The following KIF1B variants were observed in gnomAD, a reference collection of about 807,000 sequenced individuals.
KIF1B encodes kinesin family member 1B.
In KIF1B, 76 loss-of-function variants were observed where a neutral mutation model predicts 241.9. That is an observed-to-expected ratio of 0.31 (90% CI 0.26 to 0.38). KIF1B has a LOEUF of 0.38. KIF1B is among the 10% of genes least tolerant of loss of function. The pLI, the probability that KIF1B is intolerant of heterozygous loss-of-function variation, is 1.00. For missense variants in KIF1B, 1,622 were observed against 2,271.4 expected, an observed-to-expected ratio of 0.71 and a Z score of 5.81; for synonymous variants, 750 against 796.7, an observed-to-expected ratio of 0.94 and a Z score of 0.99.
chr1:10,377,241 A>G lies in KIF1B; in HGVS notation c.*654A>G. On this transcript the variant is annotated 3_prime_UTR_variant, in exon 49 of 49. Transcript: ENST00000676179. ...ACTGCAACAGTTATATTCTGAGTCAAAGTTGGGGCTTTTTACGGCATAATT... is the reference window on the plus strand; with the variant it reads ...ACTGCAACAGTTATATTCTGAGTCAGAGTTGGGGCTTTTTACGGCATAATT... The G allele has an allele frequency of 4.3e-6, 1 of 230,432 alleles. No homozygotes were observed. Among genetic ancestry groups the G allele is most frequent in the Non-Finnish European group, 8.6e-6 (1 of 116,128 alleles). 14.3% of individuals were successfully genotyped at this position (230,432 alleles called of 1,614,324 possible).
At position 10,374,614 on chromosome 1, in the gene KIF1B, C is replaced by A; in HGVS notation, c.5096+149C>A. The A allele has an allele frequency of 1.9e-6, 2 of 1,048,804 alleles. No individual in the cohort carries two copies. Among genetic ancestry groups the A allele is most frequent in the Middle Eastern group, 3.0e-4 (1 of 3,344 alleles). The allele number at this position is 1,048,804 out of a possible 1,614,324, so 65.0% of individuals were successfully genotyped here. A position where few individuals can be genotyped will look rare whatever the true frequency, so the allele number is the denominator to read the frequency against. On this transcript the variant is annotated intron_variant, in intron 46 of 48. Transcript: ENST00000676179. The surrounding 1 kb of genome is among the most constrained non-coding windows in gnomAD (Gnocchi z 4.3). ...GCAAGTTGAGTCTGGGGTGAGAGGG[C>A]CAGCCTGGGTTTCTCCAGTTGGGTC...
intron 27 of KIF1B, among the ~76,000 whole-genome samples, chr1:10,333,492 C>G (rs1218497195): frequency 1.3e-5 from 2 of 152,010 alleles, no homozygotes; most frequent in Non-Finnish European, 1.5e-5. Context: ...GAGATCAAGA[C>G]CATCCTGGCT....
chr1:10,277,140 G>A (rs1649158781), intron 12 of KIF1B, among the ~76,000 whole-genome samples: 1 of 151,544 alleles, frequency 6.6e-6, no homozygotes, highest in African/African-American at 2.4e-5. Context: ...GGAATATGTA[G>A]CAATATTAAA....
Position 10,232,014 on chromosome 1 carries a change from G to C in KIF1B, c.-79-236G>C, listed in dbSNP as rs575734048. Among the ~76,000 whole-genome samples the C allele has an allele frequency of 2.0e-5, 3 of 152,162 alleles. No individual in the cohort carries two copies. In the East Asian group the frequency reaches 5.8e-4, roughly 29 times the overall value. ...GTGTGCCTGTAGTCTGAGCTACTTG[G>C]GAGACTGAGGCAGGAGGATCACTTG... is the stretch of plus-strand genomic sequence containing the variant. On this transcript the variant is annotated intron_variant, in intron 1 of 48. Transcript: ENST00000676179.
chr1:10,369,417 C>A (rs1000133116), intron 44 of KIF1B, among the ~76,000 whole-genome samples: 2 of 151,710 alleles, frequency 1.3e-5, no homozygotes, highest in African/African-American at 4.8e-5. Context: ...TCGCTTGAGG[C>A]CAATAGGTTG....
At chr1:10,278,854 A>T in intron 13 of KIF1B, 3 of 436,928 alleles carry the variant, frequency 6.9e-6, no homozygotes. Context: ...ATTTTTTTTT[A>T]GTGTAAAGTT....
chr1:10,244,512 C>T (rs192856302), intron 2 of KIF1B, among the ~76,000 whole-genome samples: 1 of 151,652 alleles, frequency 6.6e-6, no homozygotes, highest in Non-Finnish European at 1.5e-5. Context: ...ACAGGGTTTC[C>T]CCATCTTGAG....
At chr1:10,352,853 C>G in intron 38 of KIF1B, 117 bp downstream of exon 38, 2 of 728,526 alleles carry the variant, frequency 2.7e-6, no homozygotes, top group Admixed American at 2.0e-5. Context: ...ACTCCCTTCT[C>G]CCTTCTAGCT....
chr1:10,334,942 GTT>G (rs767234114), intron 28 of KIF1B, among the ~76,000 whole-genome samples: 12 of 141,198 alleles, frequency 8.5e-5, no homozygotes, highest in Admixed American at 7.1e-5. Context: ...TTGGTGTGTT[GTT>G]TTTTTTTTTT....
chr1:10,324,844 C>A lies in KIF1B; in HGVS notation c.2624C>A (p.Thr875Asn), dbSNP rs757797211. ...SAQDESETTV[T>N]GSDPFYDRFH... is the part of the protein sequence containing the mutation. Reference sequence around the variant, plus strand: ...CAAGACGAAAGCGAAACCACTGTGACTGGCAGCGATCCCTTCTATGATCGG... The same window carrying A: ...CAAGACGAAAGCGAAACCACTGTGAATGGCAGCGATCCCTTCTATGATCGG... The change falls in exon 26 of 49, where the codon ACT becomes AAT. Residue 875 changes from threonine (T) to asparagine (N), a missense_variant. Physicochemically the swap from Thr to Asn is moderately conservative, Grantham distance 65 (BLOSUM62 0). Around this residue, in one of 7 missense-constraint regions of KIF1B, gnomAD observed 803 missense variants for 1,112.0 expected, o/e 0.72. Transcript: ENST00000676179. The A allele has an allele frequency of 6.2e-7, 1 of 1,614,030 alleles. No individual in the cohort carries two copies. Among genetic ancestry groups the A allele is most frequent in the African/African-American group, 1.3e-5 (1 of 74,910 alleles).
At chr1:10,274,267 A>G (rs1055574036) in intron 10 of KIF1B, among the ~76,000 whole-genome samples, 1 of 152,104 alleles carries the variant, frequency 6.6e-6, no homozygotes, top group Admixed American at 6.5e-5. Flanking sequence ...AAGTGTCACA[A>G]CGCAGTAGTC....
At chr1:10,265,327 TG>T (rs745651791) in intron 5 of KIF1B, among the ~76,000 whole-genome samples, 4 of 151,854 alleles carry the variant, frequency 2.6e-5, no homozygotes, top group Non-Finnish European at 5.9e-5. Context: ...CCCAACCTCC[TG>T]GGCTTGAGTG....
At chr1:10,229,727 G>A (rs1012723419) in intron 1 of KIF1B, among the ~76,000 whole-genome samples, 2 of 151,532 alleles carry the variant, frequency 1.3e-5, no homozygotes, top group African/African-American at 4.8e-5. Flanking sequence ...CAGGCGTGGT[G>A]GCAGGCGCCT....
intron 20 of KIF1B, 60 bp from the exon 21 acceptor site, chr1:10,296,837 A>T: frequency 6.7e-7 from 1 of 1,488,900 alleles, no homozygotes; most frequent in Non-Finnish European, 9.3e-7. Flanking sequence ...TGAGGTTGTT[A>T]AATAGATACT....
Position 10,276,855 on chromosome 1 carries a change from C to T in KIF1B, c.1037+456C>T, listed in dbSNP as rs187675143. Among the ~76,000 whole-genome samples, 194 of 152,100 alleles carry T rather than the reference C, an allele frequency of 1.3e-3. 1 individual carries two copies. The highest frequency in any genetic ancestry group is 4.2e-3 in the African/African-American group (173 of 41,504). On this transcript the variant is annotated intron_variant, in intron 12 of 48. Transcript: ENST00000676179. The stretch of plus-strand genomic sequence containing the variant: ...CAGCACTTTGGGTGGCCGAGGTGGG[C>T]GGATCACTTGAGGTCAGGAGTTTGA...
At chr1:10,363,119 T>G (rs1281232287) in intron 40 of KIF1B, among the ~76,000 whole-genome samples, 164 bp from the exon 41 acceptor site, 1 of 152,108 alleles carries the variant, frequency 6.6e-6, no homozygotes, top group African/African-American at 2.4e-5. Context: ...GGAAAAGGTA[T>G]GCTACTTAGG....
chr1:10,278,974 C>A (rs1159772566), intron 13 of KIF1B, 123 bp from the exon 14 acceptor site: 3 of 565,960 alleles, frequency 5.3e-6, no homozygotes, highest in African/African-American at 1.8e-5. Flanking sequence ...AAAAATGATA[C>A]CGTATTCTAA....
chr1:10,366,505 G>A (rs935075873), intron 43 of KIF1B, among the ~76,000 whole-genome samples: 11 of 151,746 alleles, frequency 7.2e-5, no homozygotes, highest in African/African-American at 9.7e-5. Context: ...GGGAGGCAGC[G>A]GTGTCCTGCG....
intron 38 of KIF1B, among the ~76,000 whole-genome samples, chr1:10,353,454 A>G (rs1652869970): frequency 1.3e-5 from 2 of 152,194 alleles, no homozygotes. Context: ...TACCTCACCC[A>G]GGAAGGGAGT....
Sources: allele counts gnomAD v4.1 joint callset (sites outside exome capture counted in the v4.1 genomes callset), GRCh38; gene constraint gnomAD v4.1.1; regional missense constraint gnomAD v4.1.1; non-coding constraint Gnocchi (gnomAD v3.1); transcripts MANE v1.5; gene names NCBI Gene and HGNC (gene_info 2026-07-23, HGNC 2026-07-21).